The following SARNP variants were observed in gnomAD, a reference collection of about 807,000 sequenced individuals.
SARNP encodes the protein SAP domain-containing ribonucleoprotein.
SARNP carries 5 observed loss-of-function variants against 38.1 expected under a neutral mutation model. The observed-to-expected ratio is 0.13, with a 90% CI of 0.07 to 0.28. The LOEUF (loss-of-function observed/expected upper bound fraction) is 0.28, where lower values mean the gene tolerates loss of function less well. Ranked by LOEUF, SARNP falls within the 10% of genes least tolerant of loss-of-function variation. The pLI, the probability that SARNP is intolerant of heterozygous loss-of-function variation, is 1.00. For synonymous variants in SARNP, 84 were observed against 80.6 expected, an observed-to-expected ratio of 1.04 and a Z score of -0.23; for missense variants, 180 against 243.9, an observed-to-expected ratio of 0.74 and a Z score of 1.75.
chr12:55,792,120 A>G (rs1477313095), intron 7 of SARNP, among the ~76,000 whole-genome samples: 3 of 152,182 alleles, frequency 2.0e-5, no homozygotes, highest in East Asian at 3.9e-4. Flanking sequence ...ACCACGTTCT[A>G]TAATTTCTGT....
At chr12:55,793,510 C>T (rs552731200) in intron 7 of SARNP, 2 of 152,050 alleles carry the variant, frequency 1.3e-5, no homozygotes, top group African/African-American at 4.8e-5. Context: ...AGTCCTGCAG[C>T]AGATATAAGC....
chr12:55,757,218 C>T (rs959215605), downstream of SARNP: 1 of 243,094 alleles, frequency 4.1e-6, no homozygotes, highest in Non-Finnish European at 7.9e-6. Flanking sequence ...CTCCCCTTAT[C>T]TGGTCTAATC....
chr12:55,789,596 C>G (rs757452859), intron 8 of SARNP, among the ~76,000 whole-genome samples: 32 of 152,192 alleles, frequency 2.1e-4, no homozygotes, highest in Non-Finnish European at 2.9e-5. Flanking sequence ...CAACTCGATT[C>G]TCTTCCCTCC....
chr12:55,803,204 C>T (rs1880036058), intron 2 of SARNP, among the ~76,000 whole-genome samples: 2 of 152,088 alleles, frequency 1.3e-5, no homozygotes, highest in Admixed American at 1.3e-4. Flanking sequence ...TACAAGATGG[C>T]TGGGCGCGGT....
At chr12:55,801,041 A>C in intron 2 of SARNP, 141 bp from the exon 3 acceptor site, 1 of 683,902 alleles carries the variant, frequency 1.5e-6, no homozygotes, top group Admixed American at 2.3e-5. Flanking sequence ...AAAATCTGCT[A>C]CATCTGGAGA....
chr12:55,784,142 AGAG>A (rs1879420294), intron 9 of SARNP, among the ~76,000 whole-genome samples: 1 of 152,194 alleles, frequency 6.6e-6, no homozygotes, highest in Non-Finnish European at 1.5e-5. Flanking sequence ...ATACTAGGAT[AGAG>A]AAGAGGCTAC....
At chr12:55,799,093 T>C (rs1023316364) in intron 4 of SARNP, among the ~76,000 whole-genome samples, 33 of 152,312 alleles carry the variant, frequency 2.2e-4, no homozygotes, top group Non-Finnish European at 1.9e-4. Context: ...TACATACATA[T>C]ACACATGTAC....
intron 5 of SARNP, 93 bp downstream of exon 5, chr12:55,795,932 G>C: frequency 1.1e-6 from 1 of 903,010 alleles, no homozygotes; most frequent in Non-Finnish European, 1.7e-6. Context: ...TTTTCTGCCT[G>C]TGAATAAATT....
intron 1 of SARNP, among the ~76,000 whole-genome samples, chr12:55,812,735 C>G (rs979720818): frequency 1.3e-5 from 2 of 152,238 alleles, no homozygotes; most frequent in African/African-American, 4.8e-5. Context: ...ACTTGAAATT[C>G]TACTACATCC....
chr12:55,768,518 G>C (rs538600234), intron 9 of SARNP, among the ~76,000 whole-genome samples: 1 of 151,646 alleles, frequency 6.6e-6, no homozygotes, highest in Non-Finnish European at 1.5e-5. Context: ...CCCACCTCCC[G>C]GGTTCATGAG....
In SARNP at chr12:55,817,107, G is replaced by T. The variant is rs900151057; in HGVS notation, c.36+559C>A. Among the ~76,000 whole-genome samples the T allele has an allele frequency of 2.0e-5, 3 of 152,086 alleles. No individual in the cohort carries two copies. The East Asian group carries it at 5.8e-4, about 29-fold the overall frequency. On this transcript the variant is annotated intron_variant, in intron 1 of 10. Coordinates refer to ENST00000336133, the MANE Select transcript of SARNP (RefSeq NM_033082.4). ...ACCTCCTCAACCCCAGGCTTCTAAG[G>T]CGAGACCGATCTTCTGAGAGGCCTC... is the stretch of plus-strand genomic sequence containing the variant.
chr12:55,808,430 C>A (rs1880222262), intron 1 of SARNP, among the ~76,000 whole-genome samples: 1 of 152,006 alleles, frequency 6.6e-6, no homozygotes, highest in African/African-American at 2.4e-5. Context: ...GCAATTCTGC[C>A]TCAGCCTCCC....
At chr12:55,800,481 AG>A in intron 4 of SARNP, 80 bp downstream of exon 4, 1 of 1,007,048 alleles carries the variant, frequency 9.9e-7, no homozygotes, top group Non-Finnish European at 1.5e-6. Flanking sequence ...AACATGTAAG[AG>A]GTAAACAAAG....
chr12:55,763,324 T>C (rs2462937), intron 9 of SARNP, among the ~76,000 whole-genome samples: 106,436 of 148,532 alleles, frequency 0.72, 43,956 homozygotes, highest in Non-Finnish European at 0.93. Context: ...TTTTTTTTTT[T>C]CCCCAGAGAC....
chr12:55,817,178 G>T (rs1880515368), intron 1 of SARNP, among the ~76,000 whole-genome samples: 1 of 152,118 alleles, frequency 6.6e-6, no homozygotes, highest in Admixed American at 6.6e-5. Context: ...ACCTAGAAAA[G>T]GGGAGTGGAA....
intron 7 of SARNP, 134 bp downstream of exon 7, chr12:55,794,225 G>A (rs1442920701): frequency 1.5e-5 from 12 of 787,332 alleles, no homozygotes; most frequent in Non-Finnish European, 2.6e-5. Context: ...CCTAAAGCAG[G>A]AGATGAATGT....
intron 9 of SARNP, among the ~76,000 whole-genome samples, chr12:55,763,712 C>A (rs1878744876): frequency 1.3e-5 from 2 of 152,150 alleles, no homozygotes; most frequent in African/African-American, 4.8e-5. Context: ...CTCAGCCTCC[C>A]AAAGTGCTGG....
intron 9 of SARNP, among the ~76,000 whole-genome samples, chr12:55,783,600 G>A (rs1289806041): frequency 6.6e-6 from 1 of 152,096 alleles, no homozygotes; most frequent in African/African-American, 2.4e-5. Context: ...GGTGGGAGGA[G>A]GTGGGAGAGA....
At chr12:55,786,945 C>T (rs948713813) in intron 9 of SARNP, among the ~76,000 whole-genome samples, 4 of 152,016 alleles carry the variant, frequency 2.6e-5, no homozygotes, top group African/African-American at 9.7e-5. Context: ...AAAATGATAA[C>T]CCAGGCCAGG....
Sources: gnomAD v4.1 joint callset for allele counts (sites outside exome capture counted in the v4.1 genomes callset) on GRCh38, gnomAD v4.1.1 for gene constraint, MANE v1.5 for transcripts, NCBI Gene and HGNC (gene_info 2026-07-23, HGNC 2026-07-21) for gene names.